The following PFKFB1 variants were observed in gnomAD, a reference collection of about 807,000 sequenced individuals.
PFKFB1 encodes 6-phosphofructo-2-kinase/fructose-2,6-biphosphatase 1, also known as 6-phosphofructo-2-kinase/fructose-2,6-bisphosphatase 1.
Under a neutral mutation model 46.4 loss-of-function variants are expected in PFKFB1, and 34 were observed. The observed-to-expected ratio is 0.73, with a 90% CI of 0.56 to 0.98. The LOEUF (loss-of-function observed/expected upper bound fraction) is 0.98. Ranked by LOEUF, PFKFB1 falls within the 50% of genes least tolerant of loss-of-function variation. The probability of loss-of-function intolerance (pLI) is 0.00; values close to 1 mark genes in which losing one functional copy is unlikely to be tolerated. For missense variants in PFKFB1, 393 were observed against 376.3 expected (o/e 1.04, Z -0.37); for synonymous variants, 119 against 133.8 (o/e 0.89, Z 0.76).
chrX:54,939,838 G>T (rs1349108361), intron 10 of PFKFB1, among the ~76,000 whole-genome samples: 1 of 111,788 alleles, frequency 8.9e-6, no homozygotes, highest in South Asian at 3.7e-4. Flanking sequence ...GTACCATTCC[G>T]TCTGAAACTA....
Position 54,958,865 on chromosome X carries a change from C to A in PFKFB1, c.445G>T (p.Glu149Ter), listed in dbSNP as rs764589093. ...TGTTACCATACCTTGTAACCATGTT[C>A]TTTTGCAAACTGCAGGATCAGTGAC... ...RRSLILQFAKEHGYKVFFIES... is the reference protein window; with the variant it reads ...RRSLILQFAK Residue 149 changes from glutamate (E) to a stop codon, truncating the protein, a stop_gained, in exon 5 of 14, where the codon GAA becomes TAA. Transcript: ENST00000375006. LOFTEE classifies it high-confidence loss of function. 8.4e-7 allele frequency: 1 copy of A among 1,186,978 alleles called. No individual in the cohort carries two copies. Among genetic ancestry groups the A allele is most frequent in the Non-Finnish European group, 1.1e-6 (1 of 873,866 alleles).
chrX:54,997,071 G>A (rs1191361459), upstream of PFKFB1, among the ~76,000 whole-genome samples: 3 of 111,934 alleles, frequency 2.7e-5, no homozygotes, highest in Admixed American at 2.8e-4. Context: ...CTCAGGCCCT[G>A]GCACAGAGGA....
At chrX:54,959,606 C>T (rs1418890937) in intron 4 of PFKFB1, among the ~76,000 whole-genome samples, 1 of 111,803 alleles carries the variant, frequency 8.9e-6, no homozygotes, top group East Asian at 2.8e-4. Context: ...TACGTTGTAC[C>T]ACCTTGGGAA....
rs146099519 is a variant in PFKFB1 at position 54,986,161 on chromosome X, A to G, written c.97+7750T>C. 1.5e-3 allele frequency among the ~76,000 whole-genome samples: 166 copies of G among 112,192 alleles called. 1 individual carries two copies. The highest frequency in any genetic ancestry group is 3.6e-3 in the Admixed American group (38 of 10,609). On this transcript the variant is annotated intron_variant, in intron 1 of 13. Coordinates refer to ENST00000375006, the MANE Select transcript of PFKFB1 (RefSeq NM_002625.4). ...CCTACAGAAGATAGGTTTTAGACTG[A>G]AAGATACAAGGCAGGCCTGGTGGCT...
chrX:54,994,692 G>A, upstream of PFKFB1: 1 of 754,245 alleles, frequency 1.3e-6, no homozygotes, highest in African/African-American at 2.3e-5. Context: ...AAATGGCATT[G>A]CATCCCTTGT....
chrX:54,933,958 C>T, intron 12 of PFKFB1, 73 bp from the exon 13 acceptor site: 1 of 791,724 alleles, frequency 1.3e-6, no homozygotes, highest in Non-Finnish European at 1.9e-6. Context: ...TATCACCTCC[C>T]CTCCCCCATC....
chrX:54,956,098 G>C, intron 7 of PFKFB1, 55 bp downstream of exon 7: 1 of 830,235 alleles, frequency 1.2e-6, no homozygotes, highest in Non-Finnish European at 1.8e-6. Flanking sequence ...GGTTCTACAG[G>C]ATATCAAAAC....
At chrX:54,943,152 A>G (rs1359835501) in intron 10 of PFKFB1, among the ~76,000 whole-genome samples, 2 of 111,998 alleles carry the variant, frequency 1.8e-5, no homozygotes, top group Non-Finnish European at 3.8e-5. Context: ...CACTAATCCC[A>G]AGCTATACAT....
rs913485536 is a variant in PFKFB1, at chrX:54,954,500, G to A, written c.638+1653C>T. Among the ~76,000 whole-genome samples, 5 of 112,071 alleles carry A rather than the reference G, an allele frequency of 4.5e-5. 1 individual carries two copies. The highest frequency in any genetic ancestry group is 7.5e-4 in the South Asian group (2 of 2,660). On this transcript the variant is annotated intron_variant, in intron 7 of 13. Transcript: ENST00000375006. Reference sequence around the variant, plus strand: ...TGCACCCCAGCCTGGGTGACAGAGCGGGACTCTGTCTCAAAAATTAAAAAT... The same window carrying A: ...TGCACCCCAGCCTGGGTGACAGAGCAGGACTCTGTCTCAAAAATTAAAAAT...
intron 1 of PFKFB1, among the ~76,000 whole-genome samples, chrX:54,993,162 C>T (rs190287672): frequency 5.8e-4 from 65 of 111,970 alleles, no homozygotes; most frequent in African/African-American, 7.5e-4. Flanking sequence ...CCACCACTGT[C>T]GCCTGTTATC....
chrX:54,990,777 A>C (rs1450726627), intron 1 of PFKFB1, among the ~76,000 whole-genome samples: 1 of 112,393 alleles, frequency 8.9e-6, no homozygotes, highest in East Asian at 2.8e-4. Flanking sequence ...CAGGACTGCA[A>C]GATTATTTCA....
At chrX:54,949,344 G>A (rs1272767241) in intron 8 of PFKFB1, 123 bp from the exon 9 acceptor site, 2 of 496,788 alleles carry the variant, frequency 4.0e-6, no homozygotes, top group East Asian at 7.8e-5. Context: ...GCAGAGCAAA[G>A]AGTTTAAATG....
At chrX:54,953,238 C>T (rs939689483) in intron 7 of PFKFB1, among the ~76,000 whole-genome samples, 1 of 111,551 alleles carries the variant, frequency 9.0e-6, no homozygotes, top group African/African-American at 3.3e-5. Context: ...GGTAACAAAA[C>T]CGAGTGAATG....
intron 1 of PFKFB1, among the ~76,000 whole-genome samples, chrX:54,992,370 T>C (rs1935263209): frequency 8.9e-6 from 1 of 112,250 alleles, no homozygotes; most frequent in Non-Finnish European, 1.9e-5. Flanking sequence ...GTTCATTTAA[T>C]CTTCACAACT....
intron 1 of PFKFB1, among the ~76,000 whole-genome samples, chrX:54,985,411 TAG>T (rs1351619581): frequency 9.0e-6 from 1 of 111,462 alleles, no homozygotes; most frequent in Non-Finnish European, 1.9e-5. Context: ...GACAGCTTAA[TAG>T]AGAGACTGGG....
intron 1 of PFKFB1, among the ~76,000 whole-genome samples, chrX:54,981,094 T>G (rs190586662): frequency 6.3e-5 from 7 of 110,792 alleles, no homozygotes; most frequent in Admixed American, 1.9e-4. Flanking sequence ...GAAAGTACTG[T>G]AGGAATAACA....
At chrX:54,981,358 T>C (rs756357012) in intron 1 of PFKFB1, among the ~76,000 whole-genome samples, 4 of 111,919 alleles carry the variant, frequency 3.6e-5, no homozygotes, top group Non-Finnish European at 7.5e-5. Flanking sequence ...GTTTACCTAA[T>C]GAGTAACAAT....
intron 1 of PFKFB1, among the ~76,000 whole-genome samples, chrX:54,992,812 A>C (rs1157367872): frequency 5.4e-5 from 6 of 111,575 alleles, no homozygotes; most frequent in Admixed American, 1.9e-4. Context: ...GGTACCTCTC[A>C]GTCTCCAGGC....
chrX:54,974,509 A>T lies in PFKFB1; in HGVS notation c.98-11127T>A, dbSNP rs1256919894. ...TGAAATCATAAAAATTTTACAAGAT[A>T]ACATTGGGAAAACTCTTCTAGACAT... On this transcript the variant is annotated intron_variant, in intron 1 of 13. Transcript: ENST00000375006. 5.4e-5 allele frequency among the ~76,000 whole-genome samples: 6 copies of T among 111,905 alleles called. No homozygotes were observed. The Admixed American group carries it at 5.7e-4, about 11-fold the overall frequency.
Sources: allele counts gnomAD v4.1 joint callset (sites outside exome capture counted in the v4.1 genomes callset), GRCh38; gene constraint gnomAD v4.1.1; transcripts MANE v1.5; gene names NCBI Gene and HGNC (gene_info 2026-07-23, HGNC 2026-07-21).